BTBD9: variants seen among roughly 807,000 people sequenced by gnomAD.
The protein encoded by BTBD9 is BTB/POZ domain-containing protein 9.
In BTBD9, 49 loss-of-function variants were observed where a neutral mutation model predicts 64.3. The observed-to-expected ratio is 0.76, with a 90% confidence interval of 0.61 to 0.97. BTBD9 has a LOEUF of 0.97. BTBD9 is among the 50% of genes least tolerant of loss of function. The pLI is 0.00. For synonymous variants in BTBD9, 260 were observed against 274.7 expected (o/e 0.95, Z 0.53); for missense variants, 598 against 762.1 (o/e 0.78, Z 2.53).
chr6:38,614,776 T>C (rs1777732023), intron 1 of BTBD9, among the ~76,000 whole-genome samples: 1 of 152,216 alleles, frequency 6.6e-6, no homozygotes. Flanking sequence ...TCCACCTTCA[T>C]CTCTCACTCG....
intron 6 of BTBD9, among the ~76,000 whole-genome samples, chr6:38,433,265 T>G (rs1023641016): frequency 6.6e-6 from 1 of 151,940 alleles, no homozygotes; most frequent in African/African-American, 2.4e-5. Context: ...AGCTCAAACT[T>G]TACCTTCTAT....
chr6:38,484,693 T>C (rs534065193), intron 6 of BTBD9, among the ~76,000 whole-genome samples: 1 of 152,354 alleles, frequency 6.6e-6, no homozygotes, highest in Non-Finnish European at 1.5e-5. Context: ...TTACACTGTA[T>C]GGTAGCCTAT....
chr6:38,360,835 G>C (rs548845481), intron 6 of BTBD9, among the ~76,000 whole-genome samples: 4 of 152,348 alleles, frequency 2.6e-5, no homozygotes, highest in South Asian at 2.1e-4. Context: ...ATAACGGCTA[G>C]AGGGAGACTG....
At chr6:38,552,655 T>C (rs113914480) in intron 6 of BTBD9, among the ~76,000 whole-genome samples, 28,824 of 151,216 alleles carry the variant, frequency 0.19, 3,505 homozygotes, top group Non-Finnish European at 0.29. Context: ...TCATCCTAGC[T>C]ACTCGGGAGG....
Position 38,256,486 on chromosome 6 carries a change from G to A in BTBD9, c.1485C>T (p.Ser495=), listed in dbSNP as rs373857103. 26 of 1,613,762 alleles carry A rather than the reference G, an allele frequency of 1.6e-5. No homozygotes were observed. The highest frequency in any genetic ancestry group is 2.0e-5 in the Non-Finnish European group (24 of 1,179,782). The part of the protein sequence containing the change: ...RLLLWDCDDR[S]YSYYVEVSTN... Reference sequence around the variant, plus strand: ...TAGAAACCTCAACGTAGTAGCTATAGCTTCGATCATCACAATCCCAAAGTA... The same window carrying A: ...TAGAAACCTCAACGTAGTAGCTATAACTTCGATCATCACAATCCCAAAGTA... The change falls in exon 9 of 11, where the codon AGC becomes AGT. Residue 495 remains serine, a synonymous_variant. Transcript: ENST00000481247.
chr6:38,605,891 T>C (rs1485629473), intron 1 of BTBD9, among the ~76,000 whole-genome samples: 1 of 152,132 alleles, frequency 6.6e-6, no homozygotes, highest in Non-Finnish European at 1.5e-5. Context: ...TCTGTGAGGG[T>C]GTTGCCAAAG....
intron 7 of BTBD9, among the ~76,000 whole-genome samples, chr6:38,330,888 G>A (rs1330449017): frequency 6.6e-6 from 1 of 152,080 alleles, no homozygotes; most frequent in Non-Finnish European, 1.5e-5. Flanking sequence ...AATGTTAAAT[G>A]GAGTAAAGAG....
At chr6:38,506,643 T>C (rs947873469) in intron 6 of BTBD9, among the ~76,000 whole-genome samples, 2 of 152,250 alleles carry the variant, frequency 1.3e-5, no homozygotes, top group Admixed American at 6.5e-5. Context: ...TGTATTTTAC[T>C]AGCCAGTCTC....
chr6:38,577,824 T>G, intron 5 of BTBD9, 105 bp from the exon 6 acceptor site: 1 of 993,174 alleles, frequency 1.0e-6, no homozygotes. Context: ...CAGAATTCAC[T>G]AATTACATTT....
chr6:38,225,263 C>T (rs1341532913), intron 9 of BTBD9, among the ~76,000 whole-genome samples: 1 of 152,228 alleles, frequency 6.6e-6, no homozygotes, highest in African/African-American at 2.4e-5. Flanking sequence ...GCAAAGGTAG[C>T]TGCCACATCT....
intron 7 of BTBD9, among the ~76,000 whole-genome samples, chr6:38,304,007 G>A (rs374980428): frequency 2.7e-5 from 4 of 146,484 alleles, no homozygotes; most frequent in South Asian, 2.2e-4. Context: ...CTTTGATCTC[G>A]ACATAATTAT....
chr6:38,366,332 TCTAG>T (rs1242859049), intron 6 of BTBD9, among the ~76,000 whole-genome samples: 2 of 152,228 alleles, frequency 1.3e-5, no homozygotes, highest in Admixed American at 1.3e-4. Flanking sequence ...TTGCTCTGCC[TCTAG>T]CTTCCTTTCA....
intron 6 of BTBD9, among the ~76,000 whole-genome samples, chr6:38,522,320 T>C (rs1773305490): frequency 6.6e-6 from 1 of 152,224 alleles, no homozygotes; most frequent in African/African-American, 2.4e-5. Flanking sequence ...AGAGCTATTC[T>C]ATATTTCTTC....
chr6:38,399,329 C>T (rs1366982893), intron 6 of BTBD9, among the ~76,000 whole-genome samples: 2 of 152,102 alleles, frequency 1.3e-5, no homozygotes, highest in East Asian at 3.8e-4. Context: ...ACAAATACTA[C>T]ACACATATAA....
At chr6:38,634,051 T>C (rs950230297) in intron 1 of BTBD9, among the ~76,000 whole-genome samples, 8 of 152,212 alleles carry the variant, frequency 5.3e-5, no homozygotes, top group Middle Eastern at 3.2e-3. Context: ...CTTCACACGA[T>C]TTCTGGCACA....
rs1318643921 is a variant in BTBD9 at position 38,482,183 on chromosome 6, T to C, written c.1154+95417A>G. The C allele has an allele frequency of 2.0e-5, 3 of 152,218 alleles. No individual in the cohort carries two copies. The East Asian group carries it at 5.8e-4, about 29-fold the overall frequency. The allele number at this position is 152,218 out of a possible 1,614,324, so 9.4% of individuals were successfully genotyped here. A position where few individuals can be genotyped will look rare whatever the true frequency, so the allele number is the denominator to read the frequency against. On this transcript the variant is annotated intron_variant, in intron 6 of 10. Transcript: ENST00000481247. ...AGCCATCTCTCATTAACATTTACTCTTGCCCGAAGCCCTCTACGCCCCCAA... is the reference window on the plus strand; with the variant it reads ...AGCCATCTCTCATTAACATTTACTCCTGCCCGAAGCCCTCTACGCCCCCAA...
chr6:38,356,093 C>T (rs990226998), intron 6 of BTBD9, among the ~76,000 whole-genome samples: 1 of 151,246 alleles, frequency 6.6e-6, no homozygotes, highest in African/African-American at 2.4e-5. Flanking sequence ...TTCCTTTTGT[C>T]TTTTTTTTTA....
At chr6:38,520,825 T>C (rs1773242879) in intron 6 of BTBD9, among the ~76,000 whole-genome samples, 1 of 152,012 alleles carries the variant, frequency 6.6e-6, no homozygotes, top group Non-Finnish European at 1.5e-5. Flanking sequence ...CGCATGCTTG[T>C]AGTCCCAGCT....
chr6:38,353,202 A>G (rs923248831), intron 6 of BTBD9, among the ~76,000 whole-genome samples: 1 of 152,248 alleles, frequency 6.6e-6, no homozygotes, highest in Non-Finnish European at 1.5e-5. Context: ...TTAGCAGGAT[A>G]CAGGCAAAAA....
Sources: allele counts gnomAD v4.1 joint callset (sites outside exome capture counted in the v4.1 genomes callset), GRCh38; gene constraint gnomAD v4.1.1; transcripts MANE v1.5; gene names NCBI Gene and HGNC (gene_info 2026-07-23, HGNC 2026-07-21).